The following TASP1 variants were observed in gnomAD, a reference collection of about 807,000 sequenced individuals.
TASP1 encodes threonine aspartase 1.
Under a neutral mutation model 56.6 loss-of-function variants are expected in TASP1, and 16 were observed. The ratio of observed to expected loss-of-function variants is 0.28; its 90% CI spans 0.19 to 0.43. The LOEUF is 0.43. Ranked by LOEUF, TASP1 falls within the 20% of genes least tolerant of loss-of-function variation. The pLI is 1.00. For missense variants in TASP1, 393 were observed against 511.6 expected (o/e 0.77, Z 2.24); for synonymous variants, 179 against 184.2 (o/e 0.97, Z 0.23).
the TASP1 span, chr20:13,159,921 GC>G: frequency 7.0e-7 from 1 of 1,438,098 alleles, no homozygotes; most frequent in Non-Finnish European, 9.2e-7. Flanking sequence ...AAATCAATTA[GC>G]CATATTCCTT....
chr20:13,453,457 TC>T (rs2043704946), intron 11 of TASP1, among the ~76,000 whole-genome samples: 1 of 152,046 alleles, frequency 6.6e-6, no homozygotes, highest in South Asian at 2.1e-4. Flanking sequence ...TTTAGGTGTT[TC>T]AAAAAGTCAA....
the TASP1 span, among the ~76,000 whole-genome samples, chr20:13,170,672 C>A: frequency 2.6e-5 from 4 of 152,172 alleles, no homozygotes; most frequent in Non-Finnish European, 5.9e-5. Flanking sequence ...ATTGAAGGGG[C>A]TAGTGGTTTT....
At chr20:13,271,735 C>A in the TASP1 span, among the ~76,000 whole-genome samples, 2 of 152,164 alleles carry the variant, frequency 1.3e-5, no homozygotes, top group African/African-American at 4.8e-5. Flanking sequence ...GCTCATCCCC[C>A]GGGCAACCCA....
chr20:13,381,423 A>G, the TASP1 span, among the ~76,000 whole-genome samples: 25,312 of 152,146 alleles, frequency 0.17, 2,428 homozygotes, highest in Middle Eastern at 0.23. Context: ...ACCAGTCCCA[A>G]TGAGATAAGC....
chr20:13,154,935 C>T, the TASP1 span, among the ~76,000 whole-genome samples: 6 of 152,158 alleles, frequency 3.9e-5, no homozygotes, highest in African/African-American at 1.4e-4. Context: ...AATCCCAGCA[C>T]TTTGGGAGGC....
At chr20:13,147,255 G>T in the TASP1 span, among the ~76,000 whole-genome samples, 4 of 152,176 alleles carry the variant, frequency 2.6e-5, no homozygotes, top group Admixed American at 6.5e-5. Context: ...GAGAGCTTCA[G>T]TGCCTGATAA....
intron 11 of TASP1, among the ~76,000 whole-genome samples, chr20:13,477,705 CT>C (rs1314495092): frequency 6.6e-6 from 1 of 152,154 alleles, no homozygotes; most frequent in African/African-American, 2.4e-5. Flanking sequence ...AAGGAAACTA[CT>C]TATTTCTTCC....
At chr20:13,283,487 A>T in the TASP1 span, among the ~76,000 whole-genome samples, 10 of 152,228 alleles carry the variant, frequency 6.6e-5, no homozygotes, top group Non-Finnish European at 1.5e-4. Flanking sequence ...TAAAAATCCT[A>T]GGTGAAATAC....
At chr20:13,452,223 G>GA (rs533198282) in intron 11 of TASP1, among the ~76,000 whole-genome samples, 130 of 152,094 alleles carry the variant, frequency 8.5e-4, no homozygotes, top group African/African-American at 3.1e-3. Context: ...TACACTGTTG[G>GA]AAAAATGGCA....
rs144284824 is a variant in TASP1, at chr20:13,452,220, T to C, written c.986-17066A>G. Among the ~76,000 whole-genome samples the C allele has an allele frequency of 3.5e-3, 535 of 152,152 alleles. 3 individuals carry two copies. The highest frequency in any genetic ancestry group is 0.012 in the African/African-American group (506 of 41,544). On this transcript the variant is annotated intron_variant, in intron 11 of 13. Transcript: ENST00000337743. ...AGAAATACAAAGTGAGCATACACTG[T>C]TGGAAAAATGGCATCAACAGATTTG...
the TASP1 span, among the ~76,000 whole-genome samples, chr20:13,335,236 T>C: frequency 1.3e-5 from 2 of 151,858 alleles, no homozygotes; most frequent in East Asian, 3.9e-4. Flanking sequence ...GAGAAGAGCA[T>C]AGATAAAGCA....
the TASP1 span, among the ~76,000 whole-genome samples, chr20:13,323,146 A>C: frequency 1.3e-5 from 2 of 152,226 alleles, no homozygotes; most frequent in South Asian, 4.1e-4. Context: ...AGGGAGGGCA[A>C]GAGAACAGAG....
At chr20:13,154,278 C>T in the TASP1 span, 2 of 1,055,028 alleles carry the variant, frequency 1.9e-6, no homozygotes, top group Non-Finnish European at 2.7e-6. Flanking sequence ...CGGAAGCCAC[C>T]TGTCACTCTA....
chr20:13,142,592 A>G, the TASP1 span, among the ~76,000 whole-genome samples: 1 of 152,182 alleles, frequency 6.6e-6, no homozygotes, highest in Non-Finnish European at 1.5e-5. Context: ...ACGAATTACC[A>G]CAAACTTAGT....
the TASP1 span, among the ~76,000 whole-genome samples, chr20:13,352,239 C>T: frequency 3.9e-4 from 59 of 152,244 alleles, no homozygotes; most frequent in African/African-American, 1.4e-3. Flanking sequence ...CACTTGAAGT[C>T]AGGAGTTCAA....
At chr20:13,497,113 T>C (rs945965404) in intron 10 of TASP1, among the ~76,000 whole-genome samples, 2 of 152,186 alleles carry the variant, frequency 1.3e-5, no homozygotes, top group Non-Finnish European at 2.9e-5. Context: ...TCTTCACTAA[T>C]AGCTCCAAAA....
At chr20:13,242,879 T>C in the TASP1 span, among the ~76,000 whole-genome samples, 34 of 152,224 alleles carry the variant, frequency 2.2e-4, no homozygotes, top group Non-Finnish European at 4.9e-4. Context: ...GTTTTTGTCA[T>C]ATACTTAAAT....
the TASP1 span, among the ~76,000 whole-genome samples, chr20:13,136,385 T>G: frequency 4.0e-5 from 6 of 151,826 alleles, no homozygotes; most frequent in Non-Finnish European, 2.9e-5. Flanking sequence ...TCACCCGAGC[T>G]CAGAAATTCG....
intron 10 of TASP1, among the ~76,000 whole-genome samples, chr20:13,514,255 G>C (rs2044441950): frequency 6.6e-6 from 1 of 152,086 alleles, no homozygotes; most frequent in African/African-American, 2.4e-5. Flanking sequence ...CATTATGATA[G>C]ATTACAACAT....
Sources: allele counts gnomAD v4.1 joint callset (sites outside exome capture counted in the v4.1 genomes callset), GRCh38; gene constraint gnomAD v4.1.1; transcripts MANE v1.5; gene names NCBI Gene and HGNC (gene_info 2026-07-23, HGNC 2026-07-21).